Variants in SEMA6D observed in about 807,000 individuals in gnomAD.
SEMA6D encodes the protein semaphorin 6D.
A neutral mutation model predicts 106.6 loss-of-function variants in SEMA6D; 35 were observed. The ratio of observed to expected loss-of-function variants is 0.33; its 90% CI spans 0.25 to 0.44. The LOEUF is 0.44. Among genes scored for constraint, SEMA6D ranks in the 20% least tolerant of loss-of-function variants. The pLI is 1.00. For missense variants in SEMA6D, 1,185 were observed against 1,345.9 expected, an observed-to-expected ratio of 0.88 and a Z score of 1.87; for synonymous variants, 499 against 487.7, an observed-to-expected ratio of 1.02 and a Z score of -0.31.
At chr15:47,375,068 T>C (rs1436155415) in intron 1 of SEMA6D, among the ~76,000 whole-genome samples, 11 of 152,222 alleles carry the variant, frequency 7.2e-5, no homozygotes, top group Non-Finnish European at 4.4e-5. Context: ...TTCTTAACTA[T>C]ATTTTGTTCG....
intron 1 of SEMA6D, among the ~76,000 whole-genome samples, chr15:47,378,458 T>G (rs1162406908): frequency 6.6e-6 from 1 of 152,186 alleles, no homozygotes; most frequent in East Asian, 1.9e-4. Flanking sequence ...ATTGCGCCAC[T>G]GCACTCCAGC....
chr15:47,483,905 G>A (rs756136787), intron 3 of SEMA6D, among the ~76,000 whole-genome samples: 1 of 152,070 alleles, frequency 6.6e-6, no homozygotes, highest in Non-Finnish European at 1.5e-5. Flanking sequence ...TGCTGAAAAT[G>A]CCCTGCTTCG....
At chr15:47,586,791 A>G (rs748762086) in intron 3 of SEMA6D, among the ~76,000 whole-genome samples, 2 of 151,436 alleles carry the variant, frequency 1.3e-5, no homozygotes, top group Non-Finnish European at 2.9e-5. Context: ...CCCACCCGGC[A>G]GCCATCAGTC....
At chr15:47,745,793 G>A (rs187857005) in intron 1 of SEMA6D, among the ~76,000 whole-genome samples, 5 of 152,148 alleles carry the variant, frequency 3.3e-5, no homozygotes, top group African/African-American at 1.2e-4. Context: ...TTTTAGTCCA[G>A]ATCTATCAAA....
At chr15:47,458,430 A>G (rs917462840) in intron 2 of SEMA6D, among the ~76,000 whole-genome samples, 9 of 152,010 alleles carry the variant, frequency 5.9e-5, no homozygotes, top group African/African-American at 2.2e-4. Context: ...AGGCCCATGG[A>G]ACATTTACCA....
intron 3 of SEMA6D, among the ~76,000 whole-genome samples, chr15:47,506,874 GCAA>G (rs1348418188): frequency 6.6e-6 from 1 of 152,114 alleles, no homozygotes; most frequent in East Asian, 1.9e-4. Flanking sequence ...GACAGCGACT[GCAA>G]CAACAATAGC....
At chr15:47,641,363 T>C (rs868842459) in intron 4 of SEMA6D, among the ~76,000 whole-genome samples, 1 of 152,220 alleles carries the variant, frequency 6.6e-6, no homozygotes, top group South Asian at 2.1e-4. Context: ...GGGCCTGTTA[T>C]TTGCTGTTCT....
intron 3 of SEMA6D, among the ~76,000 whole-genome samples, chr15:47,596,247 A>G (rs937066132): frequency 1.3e-5 from 2 of 152,158 alleles, no homozygotes; most frequent in African/African-American, 2.4e-5. Flanking sequence ...AAAGATCTCT[A>G]CAATGAAAAC....
chr15:47,604,353 C>T (rs16959783), intron 4 of SEMA6D, among the ~76,000 whole-genome samples: 24,458 of 152,084 alleles, frequency 0.16, 2,531 homozygotes, highest in South Asian at 0.28. Flanking sequence ...ACAATCCATC[C>T]GGTCCGATAA....
intron 1 of SEMA6D, among the ~76,000 whole-genome samples, chr15:47,288,166 TG>T (rs2035451501): frequency 6.6e-6 from 1 of 152,210 alleles, no homozygotes; most frequent in Admixed American, 6.5e-5. Flanking sequence ...GAGATTTGGG[TG>T]GGGACATCAA....
At chr15:47,595,875 G>A (rs904500702) in intron 3 of SEMA6D, among the ~76,000 whole-genome samples, 1 of 151,936 alleles carries the variant, frequency 6.6e-6, no homozygotes, top group African/African-American at 2.4e-5. Flanking sequence ...CTTAGGATCA[G>A]GAACAACATG....
intron 1 of SEMA6D, among the ~76,000 whole-genome samples, chr15:47,385,182 A>G (rs888082253): frequency 2.0e-5 from 3 of 151,832 alleles, no homozygotes; most frequent in Non-Finnish European, 2.9e-5. Flanking sequence ...TTTCATCAAT[A>G]CTTAATAACA....
At chr15:47,243,370 A>C (rs1471990288) in intron 1 of SEMA6D, among the ~76,000 whole-genome samples, 1 of 151,960 alleles carries the variant, frequency 6.6e-6, no homozygotes, top group African/African-American at 2.4e-5. Context: ...TTAAGAGCCC[A>C]GGAGGCAAGA....
chr15:47,613,288 G>C (rs992764375), intron 4 of SEMA6D, among the ~76,000 whole-genome samples: 2 of 152,268 alleles, frequency 1.3e-5, no homozygotes, highest in African/African-American at 2.4e-5. Flanking sequence ...TACATTTTAA[G>C]TTTCCACTGC....
chr15:47,747,185 A>G (rs761473078), intron 1 of SEMA6D, among the ~76,000 whole-genome samples: 88 of 152,098 alleles, frequency 5.8e-4, no homozygotes, highest in Middle Eastern at 6.8e-3. Flanking sequence ...TGTTTCTAGG[A>G]CAATTTTGCT....
chr15:47,428,203 A>G (rs2140498616), intron 2 of SEMA6D, among the ~76,000 whole-genome samples: 1 of 152,264 alleles, frequency 6.6e-6, no homozygotes, highest in South Asian at 2.1e-4. Context: ...TAAATAAATC[A>G]ACCACTGAGA....
chr15:47,529,603 T>TAAAAA lies in SEMA6D; in HGVS notation c.-87+59071_-87+59075dup, dbSNP rs67339779. On this transcript the variant is annotated intron_variant, in intron 3 of 19. Transcript: ENST00000558014. ...TTTTAGCTCTAAGTATCTGTAGCAC[T>TAAAAA]AAAAAAAAAAAAAAAAACAAGTCAT... Among the ~76,000 whole-genome samples the TAAAAA allele has an allele frequency of 4.5e-3, 613 of 135,714 alleles. 11 individuals carry two copies. The highest frequency in any genetic ancestry group is 5.9e-3 in the Non-Finnish European group (380 of 64,160). 89.0% of individuals were successfully genotyped at this position (135,714 alleles called of 152,430 possible). A position where few individuals can be genotyped will look rare whatever the true frequency, so the allele number is the denominator to read the frequency against.
At chr15:47,494,741 G>GATTTATATAT (rs1555448707) in intron 3 of SEMA6D, among the ~76,000 whole-genome samples, 2 of 32,974 alleles carry the variant, frequency 6.1e-5, no homozygotes, top group African/African-American at 1.3e-4. Flanking sequence ...GTGGGATGGA[G>GATTTATATAT]ATATATATAT....
At chr15:47,439,300 A>G (rs2041815550) in intron 2 of SEMA6D, among the ~76,000 whole-genome samples, 1 of 152,144 alleles carries the variant, frequency 6.6e-6, no homozygotes, top group Non-Finnish European at 1.5e-5. Context: ...GAGTCAGCTC[A>G]ATTCTATTTT....
Sources: gnomAD v4.1 joint callset for allele counts (sites outside exome capture counted in the v4.1 genomes callset) on GRCh38, gnomAD v4.1.1 for gene constraint, MANE v1.5 for transcripts, NCBI Gene and HGNC (gene_info 2026-07-23, HGNC 2026-07-21) for gene names.